XKR6: variants seen among roughly 807,000 people sequenced by gnomAD.
XKR6 encodes the protein XK-related protein 6.
A neutral mutation model predicts 56.7 loss-of-function variants in XKR6; 22 were observed. That is an observed-to-expected ratio of 0.39 (90% CI 0.28 to 0.55). The LOEUF (loss-of-function observed/expected upper bound fraction) is 0.55. Ranked by LOEUF, XKR6 falls within the 20% of genes least tolerant of loss-of-function variation. XKR6 has a pLI of 0.66. For missense variants in XKR6, 852 were observed against 889.0 expected (o/e 0.96, Z 0.53); for synonymous variants, 524 against 387.8 (o/e 1.35, Z -4.13).
At chr8:11,060,724 C>T (rs1205115536) in intron 1 of XKR6, among the ~76,000 whole-genome samples, 5 of 152,238 alleles carry the variant, frequency 3.3e-5, no homozygotes, top group Non-Finnish European at 1.5e-5. Context: ...GCGCCAAATG[C>T]TGAGTTTGGT....
chr8:11,176,799 C>A (rs897785333), intron 1 of XKR6, among the ~76,000 whole-genome samples: 25 of 152,090 alleles, frequency 1.6e-4, no homozygotes, highest in Admixed American at 1.3e-3. Context: ...AAGCAGGAGA[C>A]CTCCTCTGGC....
chr8:10,934,889 G>A (rs1801167593), intron 1 of XKR6, among the ~76,000 whole-genome samples: 1 of 132,732 alleles, frequency 7.5e-6, no homozygotes, highest in East Asian at 1.9e-4. Flanking sequence ...GCCCGGCTTT[G>A]GTATCAGAAT....
At chr8:10,991,314 T>C (rs866335196) in intron 1 of XKR6, among the ~76,000 whole-genome samples, 2 of 152,130 alleles carry the variant, frequency 1.3e-5, no homozygotes, top group Non-Finnish European at 2.9e-5. Context: ...AGGGTCACAA[T>C]CCACTGTGAC....
chr8:10,967,137 G>C (rs1277460937), intron 1 of XKR6, among the ~76,000 whole-genome samples: 1 of 152,182 alleles, frequency 6.6e-6, no homozygotes. Context: ...GTGATCCTCG[G>C]ATATAGAGAC....
intron 1 of XKR6, among the ~76,000 whole-genome samples, chr8:11,068,861 T>G (rs1413820240): frequency 6.6e-6 from 1 of 152,122 alleles, no homozygotes; most frequent in African/African-American, 2.4e-5. Context: ...ACTGATTTCT[T>G]CCTTCAGAAA....
At chr8:10,950,071 T>A (rs1586344135) in intron 1 of XKR6, among the ~76,000 whole-genome samples, 1 of 152,110 alleles carries the variant, frequency 6.6e-6, no homozygotes. Flanking sequence ...CAGGAATGCA[T>A]GCACACGTGA....
chr8:10,949,173 C>T (rs1801641023), intron 1 of XKR6, among the ~76,000 whole-genome samples: 2 of 152,236 alleles, frequency 1.3e-5, no homozygotes, highest in Admixed American at 6.5e-5. Flanking sequence ...GGCTCTAGGG[C>T]CTGGAGCAAA....
intron 1 of XKR6, chr8:11,194,900 T>C (rs925702211): frequency 1.9e-6 from 1 of 530,596 alleles, no homozygotes; most frequent in Non-Finnish European, 3.3e-6. Context: ...GGAAATACTA[T>C]GCTGCATCCC....
intron 1 of XKR6, among the ~76,000 whole-genome samples, chr8:11,076,305 T>G (rs543177645): frequency 1.3e-5 from 2 of 152,194 alleles, no homozygotes; most frequent in African/African-American, 4.8e-5. Context: ...GTGGTGATGG[T>G]TGCACAACAA....
chr8:10,953,316 G>T (rs1801784469), intron 1 of XKR6, among the ~76,000 whole-genome samples: 1 of 152,096 alleles, frequency 6.6e-6, no homozygotes, highest in Admixed American at 6.5e-5. Context: ...ATTCTCTGGA[G>T]ATCTGGTTGT....
chr8:10,983,109 G>C (rs1046787772), intron 1 of XKR6, among the ~76,000 whole-genome samples: 2 of 151,496 alleles, frequency 1.3e-5, no homozygotes, highest in Admixed American at 1.3e-4. Context: ...TGGATCTTGA[G>C]AAAAAAATAA....
intron 1 of XKR6, among the ~76,000 whole-genome samples, chr8:11,059,967 A>G (rs889688053): frequency 1.3e-5 from 2 of 152,230 alleles, no homozygotes; most frequent in Non-Finnish European, 2.9e-5. Flanking sequence ...CGCCCAACTC[A>G]GGGGATTCCC....
chr8:10,911,732 GTATA>G (rs1052604815), intron 2 of XKR6, among the ~76,000 whole-genome samples: 211 of 147,740 alleles, frequency 1.4e-3, no homozygotes, highest in African/African-American at 4.7e-3. Flanking sequence ...AGGGGTGTGT[GTATA>G]TAGAGAGGGC....
chr8:11,131,813 T>C (rs1055198740), intron 1 of XKR6, among the ~76,000 whole-genome samples: 8 of 152,190 alleles, frequency 5.3e-5, no homozygotes, highest in African/African-American at 1.9e-4. Context: ...CACTATTCAG[T>C]AGAGTAACGT....
At chr8:11,127,828 AC>A (rs1392567229) in intron 1 of XKR6, among the ~76,000 whole-genome samples, 1 of 152,058 alleles carries the variant, frequency 6.6e-6, no homozygotes, top group Non-Finnish European at 1.5e-5. Flanking sequence ...TAATGTGTCT[AC>A]CCCAGGGCTA....
At chr8:10,937,929 C>T (rs903550040) in intron 1 of XKR6, among the ~76,000 whole-genome samples, 2 of 151,440 alleles carry the variant, frequency 1.3e-5, no homozygotes, top group Non-Finnish European at 3.0e-5. Flanking sequence ...TGGGCTCCAC[C>T]CAGTTCGAGC....
intron 1 of XKR6, among the ~76,000 whole-genome samples, chr8:10,970,558 T>C (rs1802378015): frequency 6.6e-6 from 1 of 152,010 alleles, no homozygotes; most frequent in Non-Finnish European, 1.5e-5. Flanking sequence ...AGATGTCTGA[T>C]CTCAATGAGG....
At chr8:11,105,875 T>A (rs909848256) in intron 1 of XKR6, 1 of 152,234 alleles carries the variant, frequency 6.6e-6, no homozygotes, top group Non-Finnish European at 1.5e-5. Flanking sequence ...TACAAGCAGC[T>A]TCTGCGAATA....
chr8:10,998,965 C>A (rs1798178374), intron 1 of XKR6, among the ~76,000 whole-genome samples: 1 of 152,192 alleles, frequency 6.6e-6, no homozygotes, highest in African/African-American at 2.4e-5. Context: ...CTCTCCAAGT[C>A]TCAGATTCCC....
Sources: gnomAD v4.1 joint callset for allele counts (sites outside exome capture counted in the v4.1 genomes callset) on GRCh38, gnomAD v4.1.1 for gene constraint, MANE v1.5 for transcripts, NCBI Gene and HGNC (gene_info 2026-07-23, HGNC 2026-07-21) for gene names.